The following NEMF variants were observed in gnomAD, a reference collection of about 807,000 sequenced individuals.
The protein encoded by NEMF is nuclear export mediator factor.
Under a neutral mutation model 162.2 loss-of-function variants are expected in NEMF, and 89 were observed. The ratio of observed to expected loss-of-function variants is 0.55; its 90% confidence interval spans 0.46 to 0.65. The LOEUF is 0.65. NEMF is among the 30% of genes least tolerant of loss of function. The pLI, the probability that NEMF is intolerant of heterozygous loss-of-function variation, is 0.00. For synonymous variants in NEMF, 421 were observed against 404.5 expected, an observed-to-expected ratio of 1.04 and a Z score of -0.49; for missense variants, 1,133 against 1,261.9, an observed-to-expected ratio of 0.90 and a Z score of 1.55.
intron 15 of NEMF, among the ~76,000 whole-genome samples, chr14:49,827,351 T>C (rs1892406410): frequency 6.6e-6 from 1 of 152,086 alleles, no homozygotes; most frequent in South Asian, 2.1e-4. Context: ...CACCTCAGGC[T>C]AATTTTTGTA....
chr14:49,800,270 T>C, intron 23 of NEMF, 150 bp downstream of exon 23: 4 of 703,048 alleles, frequency 5.7e-6, no homozygotes, highest in Non-Finnish European at 9.2e-6. Context: ...GGGAATTTCT[T>C]TGCAGAGAGA....
rs1423256061 is a variant in NEMF at position 49,828,352 on chromosome 14, T to C, written c.1427A>G (p.Tyr476Cys). The C allele has an allele frequency of 6.4e-7, 1 of 1,562,682 alleles. No homozygotes were observed. Among genetic ancestry groups the C allele is most frequent in the South Asian group, 1.2e-5 (1 of 85,512 alleles). ...AGCAGCATATCTCTTGTGATCATAA[T>C]ACCTAGAAAAACATATTTCTCTTAA... ...SLSAYANAKK[Y>C]YDHKRYAAKK... Residue 476 changes from tyrosine to cysteine, a missense_variant and splice_region_variant, in exon 15 of 33, where the codon TAT (tyrosine) becomes TGT (cysteine). Physicochemically the swap from Tyr to Cys is radical, Grantham distance 194 (BLOSUM62 -2). This residue lies in a region of NEMF where 582 missense variants were observed against 631.5 expected (regional missense o/e 0.92). Transcript: ENST00000298310.
In NEMF at chr14:49,792,749, G is replaced by A. The variant is rs1312895083; in HGVS notation, c.2619+3042C>T. ...TAATTTTAGCACTTTTGGATAACAAGCAGGAGGATAACTTGAGCCTAGGAG... is the reference window on the plus strand; with the variant it reads ...TAATTTTAGCACTTTTGGATAACAAACAGGAGGATAACTTGAGCCTAGGAG... On this transcript the variant is annotated intron_variant, in intron 26 of 32. Transcript: ENST00000298310. Among the ~76,000 whole-genome samples the A allele has an allele frequency of 5.3e-5, 8 of 152,282 alleles. No homozygotes were observed. In the East Asian group the frequency reaches 1.5e-3, roughly 29 times the overall value.
Position 49,834,387 on chromosome 14 carries a change from C to T in NEMF, c.637G>A (p.Val213Met), listed in dbSNP as rs372296872. 22 of 1,607,330 alleles carry T rather than the reference C, an allele frequency of 1.4e-5. No homozygotes were observed. Among genetic ancestry groups the T allele is most frequent in the Non-Finnish European group, 1.8e-5 (21 of 1,173,896 alleles). ...CCTTTAGTTTCAAGTTTTTCATCCA[C>T]TTTGACATTACCCGAGAATCCATTT... ...LENGFSGNVK[V>M]DEKLETKDIE... is the part of the protein sequence containing the mutation. The change falls in exon 7 of 33, where the codon GTG (valine) becomes ATG (methionine). Residue 213 changes from valine (V) to methionine (M), a missense_variant. Physicochemically the swap from Val to Met is conservative, Grantham distance 21 (BLOSUM62 1). This residue lies in a region of NEMF where 582 missense variants were observed against 631.5 expected (regional missense o/e 0.92). Coordinates refer to ENST00000298310, the MANE Select transcript of NEMF (RefSeq NM_004713.6).
chr14:49,786,568 G>A, intron 29 of NEMF, 150 bp downstream of exon 29: 1 of 663,910 alleles, frequency 1.5e-6, no homozygotes, highest in Non-Finnish European at 2.6e-6. Context: ...GTTACATATA[G>A]CAGAGTTGGG....
In NEMF at chr14:49,832,230, A is replaced by G; in HGVS notation, c.783T>C (p.Asp261=). ...KREIKPSLEA[D]KPVEDILTYE... ...ACGTCAGTATGTCTTCAACTGGTTTATCTGCTTCCAAGCTTGGTTTTATTT... is the reference window on the plus strand; with the variant it reads ...ACGTCAGTATGTCTTCAACTGGTTTGTCTGCTTCCAAGCTTGGTTTTATTT... The change falls in exon 9 of 33, where the codon GAT becomes GAC. Residue 261 remains aspartate, a synonymous_variant. Transcript: ENST00000298310. The G allele has an allele frequency of 1.2e-6, 2 of 1,610,936 alleles. No homozygotes were observed. Among genetic ancestry groups the G allele is most frequent in the Non-Finnish European group, 1.7e-6 (2 of 1,177,594 alleles).
Position 49,800,479 on chromosome 14 carries a change from C to T in NEMF, c.2313G>A (p.Gly771=). The change falls in exon 23 of 33, where the codon GGG becomes GGA. Residue 771 remains glycine (G), a synonymous_variant. Transcript: ENST00000298310. ...QDSVGEMKDE[G]EETLNYPDTT... is the part of the protein sequence containing the mutation. ...TATCAGGATAATTTAATGTCTCTTC[C>T]CCTTCATCCTTCATTTCACCAACAG... is the stretch of plus-strand genomic sequence containing the variant. 1 of 1,613,410 alleles carries T rather than the reference C, an allele frequency of 6.2e-7. No homozygotes were observed. Among genetic ancestry groups the T allele is most frequent in the South Asian group, 1.1e-5 (1 of 91,060 alleles).
intron 28 of NEMF, among the ~76,000 whole-genome samples, chr14:49,787,458 G>A (rs1054293001): frequency 1.3e-5 from 2 of 152,194 alleles, no homozygotes; most frequent in African/African-American, 2.4e-5. Context: ...GGCCAAGGTC[G>A]GGGGATCCCT....
At chr14:49,799,727 C>T in intron 23 of NEMF, 49 bp from the exon 24 acceptor site, 2 of 1,480,126 alleles carry the variant, frequency 1.4e-6, no homozygotes, top group Non-Finnish European at 1.8e-6. Flanking sequence ...AAAAGACATG[C>T]ATTTACAAAG....
intron 6 of NEMF, among the ~76,000 whole-genome samples, chr14:49,837,089 A>G (rs943778322): frequency 1.3e-5 from 2 of 152,124 alleles, no homozygotes; most frequent in Non-Finnish European, 2.9e-5. Flanking sequence ...CCTGGCCAAC[A>G]TGGTGAAACC....
chr14:49,817,483 C>T (rs1403045359), intron 16 of NEMF, among the ~76,000 whole-genome samples: 4 of 151,960 alleles, frequency 2.6e-5, no homozygotes, highest in Non-Finnish European at 4.4e-5. Context: ...ACCATGTAAA[C>T]ACTAACCAAA....
Position 49,828,347 on chromosome 14 carries a change from C to T in NEMF, c.1432G>A (p.Asp478Asn), listed in dbSNP as rs1892464597. The T allele has an allele frequency of 1.3e-6, 2 of 1,571,800 alleles. No individual in the cohort carries two copies. Among genetic ancestry groups the T allele is most frequent in the Non-Finnish European group, 1.7e-6 (2 of 1,151,630 alleles). ...SAYANAKKYY[D>N]HKRYAAKKTQ... The stretch of plus-strand genomic sequence containing the variant: ...TTCTTAGCAGCATATCTCTTGTGAT[C>T]ATAATACCTAGAAAAACATATTTCT... The change falls in exon 15 of 33, where the codon GAT becomes AAT. Residue 478 changes from aspartate (D) to asparagine (N), a missense_variant. Physicochemically the swap from Asp to Asn is conservative, Grantham distance 23. Coordinates refer to ENST00000298310, the MANE Select transcript of NEMF (RefSeq NM_004713.6).
At chr14:49,807,964 T>C (rs1309213944) in intron 18 of NEMF, among the ~76,000 whole-genome samples, 3 of 152,158 alleles carry the variant, frequency 2.0e-5, no homozygotes, top group Admixed American at 1.3e-4. Context: ...AATCGTTTCA[T>C]GTGATTGTTG....
rs748193944 is a variant in NEMF, at chr14:49,829,289, C to T, written c.1024-27G>A. On this transcript the variant is annotated intron_variant, in intron 12 of 32. Coordinates refer to ENST00000298310, the MANE Select transcript of NEMF (RefSeq NM_004713.6). ...TTAAAAAACAAACCACACACATTTA[C>T]TACATTGCCAGTTAAAGTTAACATT... 9.3e-6 allele frequency: 15 copies of T among 1,613,000 alleles called. No individual in the cohort carries two copies. Among genetic ancestry groups the T allele is most frequent in the East Asian group, 4.5e-5 (2 of 44,868 alleles).
chr14:49,808,304 C>G (rs1166946149), intron 18 of NEMF, among the ~76,000 whole-genome samples: 1 of 152,092 alleles, frequency 6.6e-6, no homozygotes, highest in Non-Finnish European at 1.5e-5. Flanking sequence ...TCCCAAGTAG[C>G]TTGGATTACA....
At chr14:49,808,521 G>C (rs1171246421) in intron 18 of NEMF, among the ~76,000 whole-genome samples, 3 of 151,890 alleles carry the variant, frequency 2.0e-5, no homozygotes, top group Non-Finnish European at 4.4e-5. Context: ...TTTTTTGTTT[G>C]ATTACTTATG....
At chr14:49,809,721 G>A (rs114741244) in intron 18 of NEMF, among the ~76,000 whole-genome samples, 2,448 of 152,238 alleles carry the variant, frequency 0.016, 59 homozygotes, top group African/African-American at 0.055. Flanking sequence ...CTAGCTGGGT[G>A]TGGTGGCACG....
At chr14:49,840,651 G>C in intron 5 of NEMF, 67 bp downstream of exon 5, 1 of 1,362,290 alleles carries the variant, frequency 7.3e-7, no homozygotes, top group Non-Finnish European at 1.0e-6. Flanking sequence ...TAAGAGACAG[G>C]GTCTCATTAT....
chr14:49,793,564 T>C (rs1890551809), intron 26 of NEMF, among the ~76,000 whole-genome samples: 1 of 152,234 alleles, frequency 6.6e-6, no homozygotes, highest in Admixed American at 6.5e-5. Flanking sequence ...TTAATGTATT[T>C]TAATAAACAT....
Sources: gnomAD v4.1 joint callset for allele counts (sites outside exome capture counted in the v4.1 genomes callset) on GRCh38, gnomAD v4.1.1 for gene constraint, gnomAD v4.1.1 regional missense constraint, MANE v1.5 for transcripts, NCBI Gene and HGNC (gene_info 2026-07-23, HGNC 2026-07-21) for gene names.